The following INPP4B variants were observed in gnomAD, a reference collection of about 807,000 sequenced individuals.
INPP4B encodes inositol polyphosphate-4-phosphatase type II B, also known as inositol polyphosphate 4-phosphatase type II.
A neutral mutation model predicts 122.5 loss-of-function variants in INPP4B; 55 were observed. The ratio of observed to expected loss-of-function variants is 0.45; its 90% CI spans 0.36 to 0.56. The LOEUF is 0.56. INPP4B is among the 20% of genes least tolerant of loss of function. INPP4B has a pLI of 0.00. For missense variants in INPP4B, 1,000 were observed against 1,097.7 expected, an observed-to-expected ratio of 0.91 and a Z score of 1.26; for synonymous variants, 403 against 388.7, an observed-to-expected ratio of 1.04 and a Z score of -0.43.
intron 9 of INPP4B, among the ~76,000 whole-genome samples, chr4:142,294,853 A>AAAAAAAAAAAAAAAAAAAAG: frequency 6.7e-6 from 1 of 149,004 alleles, no homozygotes; most frequent in Admixed American, 6.7e-5. Context: ...AAAAAAAAAA[A>AAAAAAAAAAAAAAAAAAAAG]AAAGGCAGAC....
intron 2 of INPP4B, among the ~76,000 whole-genome samples, chr4:142,611,336 G>A (rs916074575): frequency 6.6e-6 from 1 of 152,102 alleles, no homozygotes; most frequent in East Asian, 1.9e-4. Flanking sequence ...GTTACAATTC[G>A]ATGTGAGATC....
chr4:142,659,317 A>G (rs1754735012), intron 2 of INPP4B, among the ~76,000 whole-genome samples: 2 of 152,026 alleles, frequency 1.3e-5, no homozygotes, highest in Admixed American at 1.3e-4. Context: ...GAGGCAGAAG[A>G]ATGGCGTGAA....
chr4:142,833,111 T>C (rs1265233876), intron 1 of INPP4B, among the ~76,000 whole-genome samples: 1 of 152,040 alleles, frequency 6.6e-6, no homozygotes, highest in African/African-American at 2.4e-5. Context: ...GCAAATAATA[T>C]ACACAAGTGA....
At chr4:142,740,917 A>C in intron 1 of INPP4B, among the ~76,000 whole-genome samples, 1 of 152,082 alleles carries the variant, frequency 6.6e-6, no homozygotes, top group Non-Finnish European at 1.5e-5. Context: ...ACCTCATCTT[A>C]GACATCTCAG....
chr4:142,235,350 CTATA>C (rs1856224814), intron 12 of INPP4B, among the ~76,000 whole-genome samples: 1 of 150,274 alleles, frequency 6.7e-6, no homozygotes, highest in African/African-American at 2.4e-5. Context: ...ATGTTAAATA[CTATA>C]TATAGTATAA....
At chr4:142,525,063 C>T (rs1207099722) in intron 2 of INPP4B, among the ~76,000 whole-genome samples, 1 of 150,458 alleles carries the variant, frequency 6.6e-6, no homozygotes, top group African/African-American at 2.4e-5. Context: ...AATCAATGTG[C>T]AAAAATCACA....
At position 142,112,677 on chromosome 4, in the gene INPP4B, T is replaced by C. The variant is rs373198002; in HGVS notation, c.2141A>G (p.His714Arg). The change falls in exon 22 of 26, where the codon CAT becomes CGT. Residue 714 changes from histidine to arginine, a missense_variant. Coordinates refer to ENST00000262992, the MANE Select transcript of INPP4B (RefSeq NM_001101669.3). ...TGGAAGCTTGACCTCTACCACGTAA[T>C]GTTCTCTAAAGAAGGCAGAGGACAA... Reference protein sequence around the residue: ...VLPVITGRREHYVVEVKLPAR... With the variant: ...VLPVITGRRERYVVEVKLPAR... The C allele has an allele frequency of 6.2e-7, 1 of 1,609,442 alleles. No individual in the cohort carries two copies. The highest frequency in any genetic ancestry group is 8.5e-7 in the Non-Finnish European group (1 of 1,178,666).
Position 142,842,673 on chromosome 4 carries a change from AATATTAAT to A in INPP4B, c.-254+3528_-254+3535del, listed in dbSNP as rs1783655882. Among the ~76,000 whole-genome samples, 5 of 132,950 alleles carry A rather than the reference AATATTAAT, an allele frequency of 3.8e-5. 1 individual carries two copies. Among genetic ancestry groups the A allele is most frequent in the Admixed American group, 8.5e-5 (1 of 11,832 alleles). 87.2% of individuals were successfully genotyped at this position (132,950 alleles called of 152,430 possible). A position where few individuals can be genotyped will look rare whatever the true frequency, so the allele number is the denominator to read the frequency against. On this transcript the variant is annotated intron_variant, in intron 1 of 25. Transcript: ENST00000262992. Reference sequence around the variant, plus strand: ...ATTATGTTAATATATAACATAATATAATATTAATATATTAATATAATATATAATATATA... The same window carrying A: ...ATTATGTTAATATATAACATAATATAATATTAATATAATATATAATATATA...
chr4:142,738,693 T>C (rs543904547), intron 1 of INPP4B, among the ~76,000 whole-genome samples: 1 of 152,260 alleles, frequency 6.6e-6, no homozygotes, highest in African/African-American at 2.4e-5. Flanking sequence ...TGAAAGGTTC[T>C]GTATTCCCCA....
chr4:142,069,447 T>C (rs2152474380), intron 25 of INPP4B, among the ~76,000 whole-genome samples: 1 of 151,902 alleles, frequency 6.6e-6, no homozygotes, highest in East Asian at 1.9e-4. Flanking sequence ...GCAAACACAT[T>C]CAAAAGCTAG....
chr4:142,086,355 T>C (rs2152546988), intron 23 of INPP4B, 99 bp from the exon 24 acceptor site: 2 of 696,632 alleles, frequency 2.9e-6, no homozygotes, highest in Non-Finnish European at 4.9e-6. Flanking sequence ...CAAACACAAC[T>C]TTTCTTTTAG....
At chr4:142,804,911 C>T (rs965991884) in intron 1 of INPP4B, among the ~76,000 whole-genome samples, 1 of 152,200 alleles carries the variant, frequency 6.6e-6, no homozygotes, top group Admixed American at 6.5e-5. Flanking sequence ...AAGCGATCCA[C>T]TGGCCTCGGC....
At chr4:142,631,317 T>C (rs1291870922) in intron 2 of INPP4B, among the ~76,000 whole-genome samples, 1 of 152,034 alleles carries the variant, frequency 6.6e-6, no homozygotes, top group East Asian at 1.9e-4. Flanking sequence ...AATAGATGGG[T>C]TTAAAAGCAA....
At chr4:142,456,309 ATT>A (rs1337530142) in intron 3 of INPP4B, among the ~76,000 whole-genome samples, 1 of 151,926 alleles carries the variant, frequency 6.6e-6, no homozygotes, top group Non-Finnish European at 1.5e-5. Context: ...TCTTTAATTC[ATT>A]TTGATTTGTA....
At chr4:142,077,673 A>G (rs1281848159) in intron 25 of INPP4B, among the ~76,000 whole-genome samples, 4 of 151,770 alleles carry the variant, frequency 2.6e-5, no homozygotes. Context: ...GAATTCTGAT[A>G]AAGTATTCTC....
chr4:142,167,786 A>G (rs1304613876), intron 16 of INPP4B, among the ~76,000 whole-genome samples: 1 of 151,658 alleles, frequency 6.6e-6, no homozygotes, highest in Non-Finnish European at 1.5e-5. Flanking sequence ...ATCTATTCAC[A>G]TATTTACCAT....
chr4:142,539,082 T>TA (rs1560774393), intron 2 of INPP4B, among the ~76,000 whole-genome samples: 290 of 148,802 alleles, frequency 1.9e-3, no homozygotes, highest in African/African-American at 6.8e-3. Context: ...AATTGTTATT[T>TA]TATATATATA....
chr4:142,412,336 C>CT (rs756831104), intron 5 of INPP4B, among the ~76,000 whole-genome samples: 2 of 151,938 alleles, frequency 1.3e-5, no homozygotes, highest in African/African-American at 4.8e-5. Flanking sequence ...TCTCCTTTGC[C>CT]TTTTTTTGTT....
intron 5 of INPP4B, among the ~76,000 whole-genome samples, chr4:142,426,202 CA>C (rs1562072898): frequency 6.6e-6 from 1 of 151,968 alleles, no homozygotes; most frequent in Non-Finnish European, 1.5e-5. Flanking sequence ...GAATAATTAA[CA>C]GGAGAAAAAC....
Sources: allele counts gnomAD v4.1 joint callset (sites outside exome capture counted in the v4.1 genomes callset), GRCh38; gene constraint gnomAD v4.1.1; transcripts MANE v1.5; gene names NCBI Gene and HGNC (gene_info 2026-07-23, HGNC 2026-07-21).